IQCE: variants seen among roughly 807,000 people sequenced by gnomAD.
IQCE encodes the protein IQ domain-containing protein E.
IQCE carries 115 observed loss-of-function variants against 96.0 expected under a neutral mutation model. That is an observed-to-expected ratio of 1.20 (90% CI 1.03 to 1.40). The LOEUF (loss-of-function observed/expected upper bound fraction) is 1.40, where lower values mean the gene tolerates loss of function less well. Among genes scored for constraint, IQCE ranks in the 40% most tolerant of loss-of-function variants. The pLI, the probability that IQCE is intolerant of heterozygous loss-of-function variation, is 0.00. For synonymous variants in IQCE, 412 were observed against 371.2 expected (o/e 1.11, Z -1.26); for missense variants, 1,041 against 909.1 (o/e 1.15, Z -1.87).
At chr7:2,580,244 A>T (rs2128447207) in intron 8 of IQCE, 1 of 152,152 alleles carries the variant, frequency 6.6e-6, no homozygotes, top group Admixed American at 6.5e-5. Context: ...AATGGGCTAC[A>T]ACTTAAGTAT....
chr7:2,573,141 C>T (rs1781878816), intron 5 of IQCE, among the ~76,000 whole-genome samples: 1 of 152,320 alleles, frequency 6.6e-6, no homozygotes, highest in East Asian at 1.9e-4. Flanking sequence ...TTCCGTGAGT[C>T]CCTTCTTTCA....
rs750296620 is a variant in IQCE at position 2,573,414 on chromosome 7, C to T, written c.395-4C>T. The T allele has an allele frequency of 1.4e-6, 2 of 1,388,590 alleles. No individual in the cohort carries two copies. The highest frequency in any genetic ancestry group is 1.2e-5 in the South Asian group (1 of 85,080). 86.0% of individuals were successfully genotyped at this position (1,388,590 alleles called of 1,614,324 possible). On this transcript the variant is annotated splice_region_variant and splice_polypyrimidine_tract_variant and intron_variant, in intron 5 of 21. Transcript: ENST00000402050. Reference sequence around the variant, plus strand: ...TTTGAAACGATTTGTTTATGTTTCTCTAGGTCATGTCCCTGGGACTCCTGT... The same window carrying T: ...TTTGAAACGATTTGTTTATGTTTCTTTAGGTCATGTCCCTGGGACTCCTGT...
intron 17 of IQCE, among the ~76,000 whole-genome samples, chr7:2,600,894 C>A (rs1003141102): frequency 6.6e-6 from 1 of 152,214 alleles, no homozygotes; most frequent in East Asian, 1.9e-4. Context: ...CTGATTGTGA[C>A]GCTGCGTGTC....
chr7:2,598,914 C>G (rs757419181), intron 17 of IQCE, among the ~76,000 whole-genome samples: 12 of 152,242 alleles, frequency 7.9e-5, no homozygotes, highest in Non-Finnish European at 1.5e-4. Flanking sequence ...CGGCATGTAT[C>G]TTCTAAGAAA....
In IQCE at chr7:2,589,909, A is replaced by G; in HGVS notation, c.1047A>G (p.Lys349=). 1.9e-6 allele frequency: 3 copies of G among 1,613,670 alleles called. No homozygotes were observed. Among genetic ancestry groups the G allele is most frequent in the Non-Finnish European group, 2.5e-6 (3 of 1,179,924 alleles). Residue 349 remains lysine, a splice_region_variant and synonymous_variant, in exon 14 of 22, where the codon AAA becomes AAG. Transcript: ENST00000402050. The part of the protein sequence containing the change: ...LLRRIVELEK[K]LSVMESSKSH... ...ACACATGTCTGTGTTGCCTCCAGAA[A>G]CTAAGTGTGATGGAGAGCTCAAAAT... is the stretch of plus-strand genomic sequence containing the variant.
intron 20 of IQCE, among the ~76,000 whole-genome samples, 155 bp downstream of exon 20, chr7:2,606,152 C>T (rs1784808053): frequency 1.3e-5 from 2 of 152,226 alleles, no homozygotes; most frequent in South Asian, 4.1e-4. Context: ...AGAGTAAAGG[C>T]TTCACATCCT....
intron 20 of IQCE, among the ~76,000 whole-genome samples, 189 bp downstream of exon 20, chr7:2,606,186 A>T (rs1248823810): frequency 9.9e-5 from 15 of 152,186 alleles, no homozygotes; most frequent in Non-Finnish European, 2.9e-5. Flanking sequence ...TGCACCACGG[A>T]CGTGGAGTGG....
chr7:2,568,829 C>T (rs1562623068), intron 2 of IQCE, 125 bp from the exon 3 acceptor site: 1 of 825,352 alleles, frequency 1.2e-6, no homozygotes, highest in Non-Finnish European at 2.0e-6. Flanking sequence ...CTCCTTACGT[C>T]CCCGTAAGCT....
At chr7:2,560,266 G>T (rs537800320) in intron 1 of IQCE, among the ~76,000 whole-genome samples, 4 of 152,360 alleles carry the variant, frequency 2.6e-5, no homozygotes, top group South Asian at 4.1e-4. Context: ...AAGAAAGCCC[G>T]TTGGGACGCG....
At position 2,571,670 on chromosome 7, in the gene IQCE, A is replaced by G. The variant is rs1038507841; in HGVS notation, c.259+16A>G. 1 of 1,594,744 alleles carries G rather than the reference A, an allele frequency of 6.3e-7. No individual in the cohort carries two copies. The highest frequency in any genetic ancestry group is 8.5e-7 in the Non-Finnish European group (1 of 1,177,138). The stretch of plus-strand genomic sequence containing the variant: ...GCAAAGCCAGGTATGTGGTTGTCGC[A>G]CTGGAGACCCTTCCTGCTTGAGAGA... On this transcript the variant is annotated intron_variant, in intron 4 of 21. Coordinates refer to ENST00000402050, the MANE Select transcript of IQCE (RefSeq NM_152558.5).
At chr7:2,593,706 G>A (rs1783797640) in intron 15 of IQCE, among the ~76,000 whole-genome samples, 1 of 152,268 alleles carries the variant, frequency 6.6e-6, no homozygotes, top group Non-Finnish European at 1.5e-5. Context: ...GACAAGTGCT[G>A]CTGCTAGGGG....
At chr7:2,607,053 C>A in intron 20 of IQCE, 71 bp from the exon 21 acceptor site, 1 of 1,358,504 alleles carries the variant, frequency 7.4e-7, no homozygotes, top group Non-Finnish European at 1.0e-6. Context: ...ATTACTGAGG[C>A]TGCTGTAAAC....
chr7:2,587,004 C>T (rs1366353909), intron 12 of IQCE, among the ~76,000 whole-genome samples: 2 of 152,178 alleles, frequency 1.3e-5, no homozygotes, highest in African/African-American at 2.4e-5. Context: ...GAGGCTTCTG[C>T]GCTTGTCTAG....
chr7:2,594,151 T>C (rs192509670), intron 15 of IQCE, among the ~76,000 whole-genome samples: 130 of 152,214 alleles, frequency 8.5e-4, no homozygotes, highest in African/African-American at 3.0e-3. Flanking sequence ...TCCCAGCTAC[T>C]TGGGAGGCTG....
At position 2,606,013 on chromosome 7, in the gene IQCE, G is replaced by T. The variant is rs180727739; in HGVS notation, c.1865+16G>T. The stretch of plus-strand genomic sequence containing the variant: ...CCAGGCACAGGTGAGTCAGGGTCAC[G>T]GGGACGTGGGACACAGACATGGCAC... On this transcript the variant is annotated intron_variant, in intron 20 of 21. Coordinates refer to ENST00000402050, the MANE Select transcript of IQCE (RefSeq NM_152558.5). 4 of 1,601,138 alleles carry T rather than the reference G, an allele frequency of 2.5e-6. No homozygotes were observed. In the African/African-American group the frequency reaches 5.4e-5, roughly 22 times the overall value.
chr7:2,582,215 C>T (rs151010370), intron 8 of IQCE: 214 of 387,992 alleles, frequency 5.5e-4, no homozygotes, highest in African/African-American at 3.9e-3. Context: ...GGCTTCAGGT[C>T]TGTGGTTTAT....
intron 2 of IQCE, among the ~76,000 whole-genome samples, chr7:2,567,733 G>A (rs1481654285): frequency 6.6e-6 from 1 of 152,242 alleles, no homozygotes; most frequent in African/African-American, 2.4e-5. Flanking sequence ...TGGAGACGCA[G>A]ATCTAGCAAA....
chr7:2,575,299 A>T (rs1448136492), intron 6 of IQCE, among the ~76,000 whole-genome samples: 3 of 152,174 alleles, frequency 2.0e-5, no homozygotes, highest in African/African-American at 7.2e-5. Context: ...CTCAGCCATC[A>T]TCGACACCTG....
At chr7:2,596,280 A>T (rs578215720) in intron 16 of IQCE, among the ~76,000 whole-genome samples, 3 of 150,246 alleles carry the variant, frequency 2.0e-5, no homozygotes, top group African/African-American at 7.6e-5. Flanking sequence ...GAAAAGAAAG[A>T]GAGAAAGAGA....
Sources: gnomAD v4.1 joint callset for allele counts (sites outside exome capture counted in the v4.1 genomes callset) on GRCh38, gnomAD v4.1.1 for gene constraint, MANE v1.5 for transcripts, NCBI Gene and HGNC (gene_info 2026-07-23, HGNC 2026-07-21) for gene names.